The following ELMO1 variants were observed in gnomAD, a reference collection of about 807,000 sequenced individuals.
ELMO1 encodes engulfment and cell motility 1.
A neutral mutation model predicts 98.9 loss-of-function variants in ELMO1; 26 were observed. The ratio of observed to expected loss-of-function variants is 0.26; its 90% CI spans 0.19 to 0.36. The LOEUF (loss-of-function observed/expected upper bound fraction) is 0.36, where lower values mean the gene tolerates loss of function less well. Ranked by LOEUF, ELMO1 falls within the 10% of genes least tolerant of loss-of-function variation. The probability of loss-of-function intolerance (pLI) is 1.00; values close to 1 mark genes in which losing one functional copy is unlikely to be tolerated. For synonymous variants in ELMO1, 346 were observed against 346.0 expected (o/e 1.00, Z 0.00); for missense variants, 627 against 935.2 (o/e 0.67, Z 4.30).
chr7:37,103,153 T>C (rs1472854026), intron 14 of ELMO1, among the ~76,000 whole-genome samples: 2 of 152,224 alleles, frequency 1.3e-5, no homozygotes, highest in Non-Finnish European at 2.9e-5. Context: ...CTGATACTAC[T>C]ATCACCATAA....
intron 14 of ELMO1, among the ~76,000 whole-genome samples, chr7:37,131,766 C>A (rs1259231126): frequency 1.3e-5 from 2 of 152,130 alleles, no homozygotes; most frequent in Non-Finnish European, 2.9e-5. Flanking sequence ...CACCTGATCC[C>A]AAACCTTTCA....
chr7:36,992,995 A>G (rs1020268628), intron 16 of ELMO1, among the ~76,000 whole-genome samples: 1 of 152,206 alleles, frequency 6.6e-6, no homozygotes, highest in African/African-American at 2.4e-5. Context: ...AGAGTGCATC[A>G]GGGATGCGGG....
At chr7:36,981,774 T>C (rs1438878575) in intron 16 of ELMO1, among the ~76,000 whole-genome samples, 1 of 152,174 alleles carries the variant, frequency 6.6e-6, no homozygotes, top group Non-Finnish European at 1.5e-5. Context: ...AACAGTGTAA[T>C]GGAGAAACTA....
intron 2 of ELMO1, among the ~76,000 whole-genome samples, chr7:37,340,109 G>C (rs1229161890): frequency 6.6e-6 from 1 of 152,194 alleles, no homozygotes; most frequent in African/African-American, 2.4e-5. Context: ...TATTACACCA[G>C]AGAGAAAATA....
intron 1 of ELMO1, among the ~76,000 whole-genome samples, chr7:37,357,821 C>T (rs914095199): frequency 3.0e-4 from 45 of 152,334 alleles, no homozygotes; most frequent in Admixed American, 7.2e-4. Flanking sequence ...TACGGCCATA[C>T]TGTGAGAGCT....
chr7:37,191,772 G>C (rs1961587), intron 13 of ELMO1, among the ~76,000 whole-genome samples: 112,140 of 152,146 alleles, frequency 0.74, 41,542 homozygotes, highest in South Asian at 0.87. Context: ...ACAAAAATTA[G>C]CTGGGCATGG....
At chr7:37,313,626 G>T (rs111552222) in intron 4 of ELMO1, among the ~76,000 whole-genome samples, 8 of 152,298 alleles carry the variant, frequency 5.3e-5, no homozygotes, top group African/African-American at 1.7e-4. Context: ...TGGGAAGAAC[G>T]AAGCAATTTC....
At chr7:36,920,251 A>G (rs1785039889) in intron 16 of ELMO1, among the ~76,000 whole-genome samples, 1 of 152,264 alleles carries the variant, frequency 6.6e-6, no homozygotes, top group Admixed American at 6.5e-5. Flanking sequence ...TGAGTGAATG[A>G]AATAAGTTGC....
At chr7:37,133,040 T>A in intron 14 of ELMO1, 90 bp downstream of exon 14, 1 of 824,882 alleles carries the variant, frequency 1.2e-6, no homozygotes, top group Non-Finnish European at 1.7e-6. Context: ...ATGGGGTCAC[T>A]CATCTAAAGG....
intron 16 of ELMO1, among the ~76,000 whole-genome samples, chr7:36,915,843 C>T (rs556418170): frequency 5.3e-5 from 8 of 152,246 alleles, no homozygotes; most frequent in East Asian, 1.9e-4. Flanking sequence ...TAAGCATCAA[C>T]GTGATGCCCA....
intron 1 of ELMO1, among the ~76,000 whole-genome samples, chr7:37,422,612 C>G (rs1006065553): frequency 1.3e-5 from 2 of 152,182 alleles, no homozygotes; most frequent in African/African-American, 4.8e-5. Context: ...TTTTAAAACA[C>G]TTAAACAGGT....
intron 1 of ELMO1, among the ~76,000 whole-genome samples, chr7:37,438,610 A>C (rs1448642830): frequency 2.2e-5 from 3 of 138,180 alleles, no homozygotes; most frequent in East Asian, 2.1e-4. Flanking sequence ...AAAAAAAAAA[A>C]CACTACTGAA....
intron 13 of ELMO1, among the ~76,000 whole-genome samples, chr7:37,204,653 G>A (rs567624841): frequency 5.3e-5 from 8 of 152,304 alleles, no homozygotes; most frequent in Middle Eastern, 3.4e-3. Flanking sequence ...ATATCCTGCC[G>A]ATTGGTCCAT....
chr7:37,166,967 G>A (rs996367659), intron 13 of ELMO1, among the ~76,000 whole-genome samples: 4 of 151,936 alleles, frequency 2.6e-5, no homozygotes, highest in African/African-American at 9.7e-5. Context: ...TAATGTGTGG[G>A]AGTCTAAGTC....
intron 16 of ELMO1, among the ~76,000 whole-genome samples, chr7:36,914,416 AGAT>A (rs1784546953): frequency 6.6e-6 from 1 of 152,246 alleles, no homozygotes; most frequent in Admixed American, 6.5e-5. Flanking sequence ...TATGAAATAG[AGAT>A]GATAAAATTT....
intron 16 of ELMO1, among the ~76,000 whole-genome samples, chr7:36,981,073 T>C (rs1791008761): frequency 6.6e-6 from 1 of 150,658 alleles, no homozygotes; most frequent in Non-Finnish European, 1.5e-5. Flanking sequence ...TTTAATCACA[T>C]GGATTTTTTT....
In ELMO1 at chr7:37,234,065, C is replaced by T. The variant is rs79758162; in HGVS notation, c.450-871G>A. 9.7e-3 allele frequency among the ~76,000 whole-genome samples: 1,484 copies of T among 152,286 alleles called. 32 individuals are homozygous for T. Among genetic ancestry groups the T allele is most frequent in the African/African-American group, 0.034 (1,425 of 41,546 alleles). ...AGAGACTTAGATACACAGAATCTTT[C>T]ATAGATATTCACCTTTATTGTAAAT... On this transcript the variant is annotated intron_variant, in intron 7 of 21. Transcript: ENST00000310758.
chr7:37,357,634 A>G (rs1801543088), intron 1 of ELMO1, among the ~76,000 whole-genome samples: 4 of 152,220 alleles, frequency 2.6e-5, no homozygotes, highest in Admixed American at 1.3e-4. Context: ...TAGTAAGACA[A>G]ACAAACCTAT....
At chr7:37,158,811 C>G (rs1419535253) in intron 13 of ELMO1, among the ~76,000 whole-genome samples, 1 of 152,118 alleles carries the variant, frequency 6.6e-6, no homozygotes. Flanking sequence ...TGGGTATATA[C>G]CCAAAGGATT....
Sources: allele counts gnomAD v4.1 joint callset (sites outside exome capture counted in the v4.1 genomes callset), GRCh38; gene constraint gnomAD v4.1.1; transcripts MANE v1.5; gene names NCBI Gene and HGNC (gene_info 2026-07-23, HGNC 2026-07-21).